Variants in CCSER1 observed in about 807,000 individuals in gnomAD.
The protein encoded by CCSER1 is serine-rich coiled-coil domain-containing protein 1.
In CCSER1, 41 loss-of-function variants were observed where a neutral mutation model predicts 82.0. The observed-to-expected ratio is 0.50, with a 90% CI of 0.39 to 0.65. The LOEUF (loss-of-function observed/expected upper bound fraction) is 0.65, where lower values mean the gene tolerates loss of function less well. Ranked by LOEUF, CCSER1 falls within the 30% of genes least tolerant of loss-of-function variation. The pLI is 0.00. For missense variants in CCSER1, 1,119 were observed against 1,064.2 expected (o/e 1.05, Z -0.72); for synonymous variants, 414 against 383.9 (o/e 1.08, Z -0.92).
At chr4:91,166,912 C>T (rs1174413552) in intron 10 of CCSER1, among the ~76,000 whole-genome samples, 3 of 151,748 alleles carry the variant, frequency 2.0e-5, no homozygotes, top group Non-Finnish European at 4.4e-5. Context: ...ATAGAATTTA[C>T]AAAGATAAGC....
chr4:91,267,154 G>C lies in CCSER1; in HGVS notation c.2217+181160G>C, dbSNP rs1329867709. 2.6e-5 allele frequency among the ~76,000 whole-genome samples: 4 copies of C among 151,682 alleles called. No homozygotes were observed. The South Asian group carries it at 6.2e-4, about 24-fold the overall frequency. On this transcript the variant is annotated intron_variant, in intron 10 of 10. Coordinates refer to ENST00000509176, the MANE Select transcript of CCSER1 (RefSeq NM_001145065.2). ...AAAGTTAAAAAGTAGGTAAAGGCAGGCTTGTAGCACACCTGTGGATCCAGC... is the reference window on the plus strand; with the variant it reads ...AAAGTTAAAAAGTAGGTAAAGGCAGCCTTGTAGCACACCTGTGGATCCAGC...
At chr4:91,092,944 A>C (rs1332327668) in intron 10 of CCSER1, among the ~76,000 whole-genome samples, 1 of 152,150 alleles carries the variant, frequency 6.6e-6, no homozygotes, top group Admixed American at 6.5e-5. Flanking sequence ...TGGGGTTTCC[A>C]TACTGCCTCT....
At position 90,778,168 on chromosome 4, in the gene CCSER1, T is replaced by C. The variant is rs75502402; in HGVS notation, c.2011-37594T>C. Among the ~76,000 whole-genome samples, 1,146 of 152,262 alleles carry C rather than the reference T, an allele frequency of 7.5e-3. 11 individuals carry two copies. Among genetic ancestry groups the C allele is most frequent in the African/African-American group, 0.021 (863 of 41,580 alleles). On this transcript the variant is annotated intron_variant, in intron 7 of 10. Coordinates refer to ENST00000509176, the MANE Select transcript of CCSER1 (RefSeq NM_001145065.2). ...CCAAATAACTCAGATTATATTATCT[T>C]GAACACTGTGCTGCTTAAAGCTATG...
At chr4:90,930,869 T>C (rs1356547143) in intron 9 of CCSER1, among the ~76,000 whole-genome samples, 1 of 147,164 alleles carries the variant, frequency 6.8e-6, no homozygotes, top group Admixed American at 6.8e-5. Context: ...TGATGTGGTC[T>C]ACAATCAGGA....
At chr4:91,579,550 G>C (rs981732073) in intron 10 of CCSER1, among the ~76,000 whole-genome samples, 1 of 151,820 alleles carries the variant, frequency 6.6e-6, no homozygotes, top group Non-Finnish European at 1.5e-5. Flanking sequence ...GGGTCTCTCA[G>C]AGAATAAGCT....
At chr4:90,631,753 C>A (rs554879071) in intron 6 of CCSER1, among the ~76,000 whole-genome samples, 4 of 152,212 alleles carry the variant, frequency 2.6e-5, no homozygotes, top group Admixed American at 2.6e-4. Context: ...CAAAATGCTC[C>A]AAAATTTAAA....
chr4:91,150,893 T>C (rs2148952334), intron 10 of CCSER1, among the ~76,000 whole-genome samples: 1 of 152,332 alleles, frequency 6.6e-6, no homozygotes, highest in East Asian at 1.9e-4. Flanking sequence ...TGAGGAATTT[T>C]GCATTGATGT....
intron 6 of CCSER1, among the ~76,000 whole-genome samples, chr4:90,653,051 G>T (rs1729062205): frequency 7.9e-6 from 1 of 126,842 alleles, no homozygotes; most frequent in African/African-American, 2.9e-5. Flanking sequence ...TGCATTTCAA[G>T]TCGTTTAACT....
At chr4:91,134,117 A>C (rs1270572831) in intron 10 of CCSER1, among the ~76,000 whole-genome samples, 2 of 152,160 alleles carry the variant, frequency 1.3e-5, no homozygotes, top group Non-Finnish European at 2.9e-5. Context: ...AGTAGTGCTC[A>C]AAAAATTAAA....
chr4:90,991,435 GCTTCTGGTACTTCCACGTATCCA>G (rs1737017597), intron 9 of CCSER1, among the ~76,000 whole-genome samples: 8 of 151,942 alleles, frequency 5.3e-5, no homozygotes, highest in Admixed American at 3.9e-4. Context: ...GTGTTTTGCA[GCTTCTGGTACTTCCACGTATCCA>G]CTTCTGGTAC....
chr4:90,327,147 C>T (rs1283274129), intron 3 of CCSER1, among the ~76,000 whole-genome samples: 1 of 152,140 alleles, frequency 6.6e-6, no homozygotes, highest in Non-Finnish European at 1.5e-5. Flanking sequence ...CCATTTTCCC[C>T]TGTAAGAGGG....
chr4:91,531,027 T>C (rs1245201737), intron 10 of CCSER1, among the ~76,000 whole-genome samples: 1 of 152,086 alleles, frequency 6.6e-6, no homozygotes, highest in Non-Finnish European at 1.5e-5. Context: ...TCAATAAAAA[T>C]GTATACTTAT....
rs74404949 is a variant in CCSER1 at position 91,437,381 on chromosome 4, A to G, written c.2218-161191A>G. Among the ~76,000 whole-genome samples, 1,426 of 152,328 alleles carry G rather than the reference A, an allele frequency of 9.4e-3. 13 individuals carry two copies. The highest frequency in any genetic ancestry group is 0.03 in the African/African-American group (1,233 of 41,572). On this transcript the variant is annotated intron_variant, in intron 10 of 10. Transcript: ENST00000509176. ...ATGTCATAAAACAAGAAAAATATTGAGGCGCTATTCTGCAATTTGCAGCTA... is the reference window on the plus strand; with the variant it reads ...ATGTCATAAAACAAGAAAAATATTGGGGCGCTATTCTGCAATTTGCAGCTA...
chr4:90,868,899 T>C (rs1766083799), intron 8 of CCSER1, among the ~76,000 whole-genome samples: 1 of 152,076 alleles, frequency 6.6e-6, no homozygotes, highest in Non-Finnish European at 1.5e-5. Context: ...AAAGCCATTT[T>C]AAATAGGATG....
intron 8 of CCSER1, among the ~76,000 whole-genome samples, chr4:90,849,038 C>T (rs988442725): frequency 2.6e-5 from 4 of 152,050 alleles, no homozygotes; most frequent in Admixed American, 6.6e-5. Flanking sequence ...TTTATAGCAG[C>T]GTGAGAACAG....
intron 9 of CCSER1, among the ~76,000 whole-genome samples, chr4:91,025,245 A>G (rs1740387486): frequency 6.6e-6 from 1 of 152,118 alleles, no homozygotes; most frequent in Non-Finnish European, 1.5e-5. Flanking sequence ...AAGATAGGAT[A>G]ATAGTTTTAA....
At chr4:91,073,828 A>G (rs1721682002) in intron 9 of CCSER1, among the ~76,000 whole-genome samples, 2 of 152,174 alleles carry the variant, frequency 1.3e-5, no homozygotes, top group Non-Finnish European at 1.5e-5. Flanking sequence ...CTGTCTTAAA[A>G]TTAAAACATA....
intron 8 of CCSER1, among the ~76,000 whole-genome samples, chr4:90,843,996 G>A (rs894099127): frequency 3.3e-5 from 5 of 151,866 alleles, no homozygotes; most frequent in Non-Finnish European, 5.9e-5. Flanking sequence ...AAGATTTTGT[G>A]TATTTGTCAA....
intron 9 of CCSER1, among the ~76,000 whole-genome samples, chr4:90,980,348 G>A (rs1194819928): frequency 6.6e-6 from 1 of 151,822 alleles, no homozygotes; most frequent in Non-Finnish European, 1.5e-5. Flanking sequence ...TGTGTCTGCA[G>A]TGGACTGAGC....
Sources: allele counts gnomAD v4.1 joint callset (sites outside exome capture counted in the v4.1 genomes callset), GRCh38; gene constraint gnomAD v4.1.1; transcripts MANE v1.5; gene names NCBI Gene and HGNC (gene_info 2026-07-23, HGNC 2026-07-21).